The following TECRL variants were observed in gnomAD, a reference collection of about 807,000 sequenced individuals.
TECRL encodes trans-2,3-enoyl-CoA reductase-like.
Under a neutral mutation model 52.8 loss-of-function variants are expected in TECRL, and 63 were observed. That is an observed-to-expected ratio of 1.19 (90% CI 0.97 to 1.47). The LOEUF (loss-of-function observed/expected upper bound fraction) is 1.47. TECRL is among the 40% of genes most tolerant of loss of function. The pLI is 0.00. For missense variants in TECRL, 482 were observed against 429.6 expected, an observed-to-expected ratio of 1.12 and a Z score of -1.08; for synonymous variants, 164 against 141.9, an observed-to-expected ratio of 1.16 and a Z score of -1.10.
intron 1 of TECRL, among the ~76,000 whole-genome samples, chr4:64,377,600 A>C (rs560776311): frequency 1.8e-3 from 278 of 152,194 alleles, no homozygotes; most frequent in African/African-American, 6.4e-3. Context: ...AAAGAAAATG[A>C]ATCTTAAAAT....
At position 64,278,839 on chromosome 4, in the gene TECRL, C is replaced by T. The variant is rs1722677545; in HGVS notation, c.*1233G>A. The T allele has an allele frequency of 6.6e-6, 1 of 152,138 alleles. No individual in the cohort carries two copies. The highest frequency in any genetic ancestry group is 2.4e-5 in the African/African-American group (1 of 41,450). The allele number at this position is 152,138 out of a possible 1,614,324, so 9.4% of individuals were successfully genotyped here. ...ATGATATCAATTTTTTTAGCTTCCA[C>T]ATATAAGTAATAACATGCAATGTTT... On this transcript the variant is annotated 3_prime_UTR_variant, in exon 12 of 12. Coordinates refer to ENST00000381210, the MANE Select transcript of TECRL (RefSeq NM_001010874.5).
intron 2 of TECRL, among the ~76,000 whole-genome samples, chr4:64,344,291 A>G (rs1308518467): frequency 6.6e-6 from 1 of 152,060 alleles, no homozygotes. Context: ...ATAAGATTCT[A>G]TATCTATACA....
chr4:64,348,880 G>T (rs957893979), intron 2 of TECRL, among the ~76,000 whole-genome samples: 1 of 152,032 alleles, frequency 6.6e-6, no homozygotes, highest in African/African-American at 2.4e-5. Flanking sequence ...CACTGCGCAG[G>T]TAATGGCATG....
intron 5 of TECRL, among the ~76,000 whole-genome samples, chr4:64,310,525 T>C (rs1042304662): frequency 6.6e-6 from 1 of 152,190 alleles, no homozygotes; most frequent in African/African-American, 2.4e-5. Flanking sequence ...CCACCTCTTC[T>C]TATCATTTTT....
chr4:64,290,941 C>T lies in TECRL; in HGVS notation c.775-1174G>A, dbSNP rs535056938. 1.4e-4 allele frequency among the ~76,000 whole-genome samples: 22 copies of T among 152,036 alleles called. No individual in the cohort carries two copies. In the South Asian group the frequency reaches 3.7e-3, roughly 26 times the overall value. Reference sequence around the variant, plus strand: ...CAACATAACTACACAAAATAATTATCGAAAAGGCTTTTGGTTTCTTAAGTT... The same window carrying T: ...CAACATAACTACACAAAATAATTATTGAAAAGGCTTTTGGTTTCTTAAGTT... On this transcript the variant is annotated intron_variant, in intron 8 of 11. Coordinates refer to ENST00000381210, the MANE Select transcript of TECRL (RefSeq NM_001010874.5).
rs907352121 is a variant in TECRL, at chr4:64,279,810, T to C, written c.*262A>G. 10 of 1,020,394 alleles carry C rather than the reference T, an allele frequency of 9.8e-6. No individual in the cohort carries two copies. The highest frequency in any genetic ancestry group is 1.2e-5 in the Non-Finnish European group (10 of 853,414). 63.2% of individuals were successfully genotyped at this position (1,020,394 alleles called of 1,614,324 possible). A position where few individuals can be genotyped will look rare whatever the true frequency, so the allele number is the denominator to read the frequency against. ...TGCAAATAGTATTGTGAAGTATTAATGAAGTAAGACAATTTTATTCAAGGA... is the reference window on the plus strand; with the variant it reads ...TGCAAATAGTATTGTGAAGTATTAACGAAGTAAGACAATTTTATTCAAGGA... On this transcript the variant is annotated 3_prime_UTR_variant, in exon 12 of 12. Coordinates refer to ENST00000381210, the MANE Select transcript of TECRL (RefSeq NM_001010874.5).
chr4:64,356,567 G>A lies in TECRL; in HGVS notation c.286+18605C>T, dbSNP rs1011735457. 2.0e-5 allele frequency among the ~76,000 whole-genome samples: 3 copies of A among 152,236 alleles called. No homozygotes were observed. In the South Asian group the frequency reaches 6.2e-4, roughly 32 times the overall value. ...TGGCCTACATGCATATCCAGGCATA[G>A]TACCTCCCCTTGAACTTATTGTGAC... On this transcript the variant is annotated intron_variant, in intron 2 of 11. Coordinates refer to ENST00000381210, the MANE Select transcript of TECRL (RefSeq NM_001010874.5).
intron 2 of TECRL, among the ~76,000 whole-genome samples, chr4:64,329,702 T>C (rs917075097): frequency 6.6e-6 from 1 of 151,900 alleles, no homozygotes; most frequent in African/African-American, 2.4e-5. Flanking sequence ...TGACTTTCTA[T>C]AGCCAAGTAA....
intron 1 of TECRL, among the ~76,000 whole-genome samples, chr4:64,380,515 T>C (rs1232916261): frequency 1.8e-4 from 27 of 152,078 alleles, no homozygotes; most frequent in Admixed American, 1.7e-3. Flanking sequence ...TGTTTTCTTT[T>C]AGCAGTTTAT....
At chr4:64,375,079 A>G (rs1722300355) in intron 2 of TECRL, 93 bp downstream of exon 2, 1 of 504,308 alleles carries the variant, frequency 2.0e-6, no homozygotes, top group African/African-American at 2.0e-5. Flanking sequence ...TGGTTTTCAT[A>G]CACTCTAACA....
chr4:64,289,804 C>A (rs763322145), intron 8 of TECRL, 37 bp from the exon 9 acceptor site: 48 of 1,374,790 alleles, frequency 3.5e-5, no homozygotes, highest in Middle Eastern at 1.8e-4. Flanking sequence ...TGTGATACAC[C>A]TCTGCCTATT....
chr4:64,322,642 A>T, intron 4 of TECRL, 47 bp downstream of exon 4: 1 of 1,327,650 alleles, frequency 7.5e-7, no homozygotes, highest in Non-Finnish European at 1.0e-6. Flanking sequence ...TAAATTATTT[A>T]GAGCAAAATA....
intron 3 of TECRL, among the ~76,000 whole-genome samples, chr4:64,325,000 T>C (rs1475072374): frequency 6.6e-6 from 1 of 152,178 alleles, no homozygotes; most frequent in African/African-American, 2.4e-5. Context: ...GTAGTCCTGA[T>C]TTATTGCATG....
Position 64,305,166 on chromosome 4 carries a change from A to G in TECRL, c.730T>C (p.Ser244Pro), listed in dbSNP as rs371680126. ...YINHPLYTPP[S>P]FGNRQITVSA... is the part of the protein sequence containing the mutation. ...TTAGTTAAGAAGAAACCCTACATAC[A>G]TGGTGGTGTATATAGTGGATGATTA... Residue 244 changes from serine to proline, a missense_variant and splice_region_variant, in exon 7 of 12, where the codon TCA (serine) becomes CCA (proline). Ser to Pro is a moderately conservative substitution (Grantham distance 74, BLOSUM62 -1). Transcript: ENST00000381210. The G allele has an allele frequency of 8.1e-6, 13 of 1,608,154 alleles. No homozygotes were observed. Among genetic ancestry groups the G allele is most frequent in the Non-Finnish European group, 9.4e-6 (11 of 1,176,396 alleles).
intron 7 of TECRL, among the ~76,000 whole-genome samples, chr4:64,303,314 G>A (rs1724129426): frequency 6.6e-6 from 1 of 151,458 alleles, no homozygotes. Flanking sequence ...TGTCAACAAT[G>A]TGTGTTAGGT....
chr4:64,325,547 C>T lies in TECRL; in HGVS notation c.332-2755G>A, dbSNP rs117507582. Among the ~76,000 whole-genome samples, 52 of 152,116 alleles carry T rather than the reference C, an allele frequency of 3.4e-4. No homozygotes were observed. In the East Asian group the frequency reaches 8.9e-3, roughly 26 times the overall value. On this transcript the variant is annotated intron_variant, in intron 3 of 11. Transcript: ENST00000381210. The stretch of plus-strand genomic sequence containing the variant: ...AATAAATGATAGTTTTTTTATACTG[C>T]TAAATTTGTGTAAATTTGTTACATA...
chr4:64,327,640 T>C (rs1718350233), intron 3 of TECRL, among the ~76,000 whole-genome samples: 1 of 152,070 alleles, frequency 6.6e-6, no homozygotes, highest in South Asian at 2.1e-4. Flanking sequence ...CCTAGAAATC[T>C]TGCATATTTC....
intron 1 of TECRL, among the ~76,000 whole-genome samples, chr4:64,384,237 A>G (rs1326231363): frequency 1.3e-5 from 2 of 151,822 alleles, no homozygotes; most frequent in Non-Finnish European, 1.5e-5. Flanking sequence ...GCTTACAGTG[A>G]CAGTATTCAG....
Position 64,314,776 on chromosome 4 carries a change from C to A in TECRL, c.436-13G>T, listed in dbSNP as rs781167541. ...CAGCCAAAAACACCTGAAAATAAAACATGATTTAGATTAAACGATAAAAAT... is the reference window on the plus strand; with the variant it reads ...CAGCCAAAAACACCTGAAAATAAAAAATGATTTAGATTAAACGATAAAAAT... On this transcript the variant is annotated splice_polypyrimidine_tract_variant and intron_variant, in intron 4 of 11. Coordinates refer to ENST00000381210, the MANE Select transcript of TECRL (RefSeq NM_001010874.5). 3 of 1,544,206 alleles carry A rather than the reference C, an allele frequency of 1.9e-6. No homozygotes were observed. In the South Asian group the frequency reaches 3.3e-5, roughly 17 times the overall value.
Sources: gnomAD v4.1 joint callset for allele counts (sites outside exome capture counted in the v4.1 genomes callset) on GRCh38, gnomAD v4.1.1 for gene constraint, MANE v1.5 for transcripts, NCBI Gene and HGNC (gene_info 2026-07-23, HGNC 2026-07-21) for gene names.